GALNT13: variants seen among roughly 807,000 people sequenced by gnomAD.
GALNT13 encodes polypeptide N-acetylgalactosaminyltransferase 13, also known as UDP-GalNAc:polypeptide N-acetylgalactosaminyltransferase 13.
A neutral mutation model predicts 64.2 loss-of-function variants in GALNT13; 28 were observed. The ratio of observed to expected loss-of-function variants is 0.44; its 90% CI spans 0.32 to 0.60. The LOEUF (loss-of-function observed/expected upper bound fraction) is 0.60, where lower values mean the gene tolerates loss of function less well. Among genes scored for constraint, GALNT13 ranks in the 20% least tolerant of loss-of-function variants. The pLI is 0.05. For synonymous variants in GALNT13, 214 were observed against 224.6 expected (o/e 0.95, Z 0.42); for missense variants, 577 against 669.8 (o/e 0.86, Z 1.53).
At chr2:153,374,412 T>G in the GALNT13 span, among the ~76,000 whole-genome samples, 1 of 152,152 alleles carries the variant, frequency 6.6e-6, no homozygotes, top group Non-Finnish European at 1.5e-5. Flanking sequence ...TCAAGTCTTT[T>G]GTTTATTTTT....
chr2:153,545,049 A>T, the GALNT13 span, among the ~76,000 whole-genome samples: 1 of 152,130 alleles, frequency 6.6e-6, no homozygotes, highest in East Asian at 1.9e-4. Flanking sequence ...ATAAAATCAG[A>T]TTATAATTTT....
intron 8 of GALNT13, among the ~76,000 whole-genome samples, chr2:154,282,967 T>G (rs1692045191): frequency 6.6e-6 from 1 of 152,108 alleles, no homozygotes; most frequent in Non-Finnish European, 1.5e-5. Flanking sequence ...AAAATGACAA[T>G]GAAGAAAAAG....
chr2:154,132,234 A>G (rs950173870), intron 3 of GALNT13, among the ~76,000 whole-genome samples: 4 of 152,224 alleles, frequency 2.6e-5, no homozygotes, highest in Non-Finnish European at 4.4e-5. Flanking sequence ...TAGGTAATGT[A>G]CTGATTTAGA....
chr2:154,077,118 C>T (rs760772444), intron 3 of GALNT13, among the ~76,000 whole-genome samples: 7 of 151,548 alleles, frequency 4.6e-5, no homozygotes, highest in Non-Finnish European at 8.9e-5. Flanking sequence ...TGAAAAGAAG[C>T]AAAACTTCTA....
intron 9 of GALNT13, among the ~76,000 whole-genome samples, chr2:154,338,679 C>G (rs1378034983): frequency 6.6e-6 from 1 of 152,082 alleles, no homozygotes; most frequent in African/African-American, 2.4e-5. Flanking sequence ...TTAGGATCAG[C>G]TAGTTTGAAT....
At chr2:153,093,893 G>T in the GALNT13 span, among the ~76,000 whole-genome samples, 1 of 151,988 alleles carries the variant, frequency 6.6e-6, no homozygotes, top group African/African-American at 2.4e-5. Context: ...TTTCTTCCTG[G>T]TTCAATCTTG....
At chr2:153,486,139 T>C in the GALNT13 span, among the ~76,000 whole-genome samples, 1 of 152,100 alleles carries the variant, frequency 6.6e-6, no homozygotes, top group Non-Finnish European at 1.5e-5. Flanking sequence ...GGTCTCACCA[T>C]GTTGGCCAAG....
the GALNT13 span, among the ~76,000 whole-genome samples, chr2:153,540,790 G>A: frequency 1.3e-5 from 2 of 152,152 alleles, no homozygotes; most frequent in African/African-American, 4.8e-5. Context: ...TTCTTTTGTT[G>A]TGACCAATTT....
intron 3 of GALNT13, among the ~76,000 whole-genome samples, chr2:154,137,560 C>T (rs1241556056): frequency 6.6e-6 from 1 of 152,090 alleles, no homozygotes; most frequent in Non-Finnish European, 1.5e-5. Context: ...GGCACAATTA[C>T]TCCTGCTACC....
the GALNT13 span, among the ~76,000 whole-genome samples, chr2:153,437,027 C>T: frequency 6.6e-6 from 1 of 151,958 alleles, no homozygotes; most frequent in African/African-American, 2.4e-5. Context: ...TATGTTGTGT[C>T]TTTGTTCTCG....
At chr2:154,153,172 C>T (rs998339999) in intron 4 of GALNT13, among the ~76,000 whole-genome samples, 11 of 152,158 alleles carry the variant, frequency 7.2e-5, no homozygotes, top group Admixed American at 4.6e-4. Flanking sequence ...AGCTGCAGGT[C>T]TGTTGGAGTT....
intron 4 of GALNT13, among the ~76,000 whole-genome samples, chr2:154,218,389 G>C (rs1688155423): frequency 6.6e-6 from 1 of 151,984 alleles, no homozygotes; most frequent in Non-Finnish European, 1.5e-5. Flanking sequence ...ATCTAAAGAG[G>C]CAAACAAACC....
chr2:154,312,039 A>G (rs1170583469), intron 9 of GALNT13, among the ~76,000 whole-genome samples: 1 of 152,190 alleles, frequency 6.6e-6, no homozygotes, highest in Non-Finnish European at 1.5e-5. Context: ...CAATTATTAC[A>G]GGGTCCTGAG....
At chr2:154,194,697 G>T (rs527479877) in intron 4 of GALNT13, among the ~76,000 whole-genome samples, 6 of 151,922 alleles carry the variant, frequency 3.9e-5, no homozygotes, top group Non-Finnish European at 8.8e-5. Context: ...TGTTTTAGGG[G>T]CTTCATATGA....
chr2:154,125,224 C>T (rs916210678), intron 3 of GALNT13, among the ~76,000 whole-genome samples: 18 of 152,112 alleles, frequency 1.2e-4, no homozygotes, highest in Non-Finnish European at 2.4e-4. Context: ...CACAACTGGT[C>T]ATTGAAATTT....
At chr2:153,642,009 T>C in the GALNT13 span, among the ~76,000 whole-genome samples, 1 of 152,008 alleles carries the variant, frequency 6.6e-6, no homozygotes, top group South Asian at 2.1e-4. Flanking sequence ...ATTATCAAAC[T>C]TAGAGTTTTT....
At chr2:153,749,322 G>A in the GALNT13 span, among the ~76,000 whole-genome samples, 4 of 151,942 alleles carry the variant, frequency 2.6e-5, no homozygotes, top group African/African-American at 9.7e-5. Context: ...AGATTATTCT[G>A]AGTCTTTCAT....
At chr2:153,415,644 T>C in the GALNT13 span, among the ~76,000 whole-genome samples, 15 of 152,178 alleles carry the variant, frequency 9.9e-5, no homozygotes, top group African/African-American at 3.4e-4. Context: ...ATGTTCACCA[T>C]ATGAAATTGA....
At chr2:153,374,974 G>A in the GALNT13 span, among the ~76,000 whole-genome samples, 5 of 151,994 alleles carry the variant, frequency 3.3e-5, no homozygotes, top group Admixed American at 1.3e-4. Context: ...CCTTTCATTC[G>A]ACACTCCTCA....
Sources: allele counts gnomAD v4.1 joint callset (sites outside exome capture counted in the v4.1 genomes callset), GRCh38; gene constraint gnomAD v4.1.1; transcripts MANE v1.5; gene names NCBI Gene and HGNC (gene_info 2026-07-23, HGNC 2026-07-21).